CARS2: variants seen among roughly 807,000 people sequenced by gnomAD.
The protein encoded by CARS2 is probable cysteine--tRNA ligase, mitochondrial.
A neutral mutation model predicts 68.8 loss-of-function variants in CARS2; 52 were observed. That is an observed-to-expected ratio of 0.76 (90% confidence interval 0.61 to 0.95). The LOEUF is 0.95. CARS2 is among the 40% of genes least tolerant of loss of function. The pLI is 0.00. For synonymous variants in CARS2, 314 were observed against 303.6 expected (o/e 1.03, Z -0.36); for missense variants, 780 against 754.2 (o/e 1.03, Z -0.40).
rs543160409 is a variant in CARS2, at chr13:110,689,611, T to C, written c.394-1593A>G. 3.3e-5 allele frequency among the ~76,000 whole-genome samples: 5 copies of C among 152,358 alleles called. No homozygotes were observed. The South Asian group carries it at 1.0e-3, about 32-fold the overall frequency. On this transcript the variant is annotated intron_variant, in intron 3 of 14. Coordinates refer to ENST00000257347, the MANE Select transcript of CARS2 (RefSeq NM_024537.4). ...TCAGTTACTTTACAGCATGGAGATA[T>C]TCTACCTAGTAATCCCTTAGACTGC... is the stretch of plus-strand genomic sequence containing the variant.
At chr13:110,677,858 T>TCA (rs1284886686) in intron 6 of CARS2, 1 of 144,864 alleles carries the variant, frequency 6.9e-6, no homozygotes, top group Admixed American at 6.8e-5. Flanking sequence ...CACCACCACC[T>TCA]CACCCCCACC....
rs1161088309 is a variant in CARS2, at chr13:110,688,007, G to A, written c.405C>T (p.Ser135=). The part of the protein sequence containing the change: ...IIKRANEMNI[S]PASLASLYEE... Reference sequence around the variant, plus strand: ...CATAAAGACTGGCGAGGGAAGCGGGGGAAATATTCATCTGCAGAAGGATTA... The same window carrying A: ...CATAAAGACTGGCGAGGGAAGCGGGAGAAATATTCATCTGCAGAAGGATTA... The change falls in exon 4 of 15, where the codon TCC becomes TCT. Residue 135 remains serine (S), a synonymous_variant. Coordinates refer to ENST00000257347, the MANE Select transcript of CARS2 (RefSeq NM_024537.4). 1.2e-6 allele frequency: 2 copies of A among 1,609,470 alleles called. No individual in the cohort carries two copies. Among genetic ancestry groups the A allele is most frequent in the South Asian group, 2.2e-5 (2 of 90,958 alleles).
intron 13 of CARS2, chr13:110,642,983 C>T (rs939430927): frequency 4.4e-5 from 16 of 362,992 alleles, no homozygotes; most frequent in African/African-American, 3.2e-4. Context: ...GAAGGCCTCG[C>T]GCTGTCCTCC....
At chr13:110,641,827 G>C (rs955541824) in intron 14 of CARS2, among the ~76,000 whole-genome samples, 3 of 152,198 alleles carry the variant, frequency 2.0e-5, no homozygotes, top group Admixed American at 6.5e-5. Context: ...CCACGTCCCC[G>C]TGCTCAGCGT....
At chr13:110,652,261 C>T (rs1345972111) in intron 9 of CARS2, among the ~76,000 whole-genome samples, 1 of 152,280 alleles carries the variant, frequency 6.6e-6, no homozygotes, top group Non-Finnish European at 1.5e-5. Context: ...CTCATCAGAG[C>T]TCAGATACCC....
At chr13:110,701,817 T>C (rs2063795925) in intron 2 of CARS2, among the ~76,000 whole-genome samples, 1 of 152,266 alleles carries the variant, frequency 6.6e-6, no homozygotes, top group Non-Finnish European at 1.5e-5. Context: ...GAGTTGTTGC[T>C]TAAGTGAGTT....
intron 13 of CARS2, 38 bp downstream of exon 13, chr13:110,644,347 A>G (rs1463579740): frequency 1.9e-6 from 3 of 1,582,012 alleles, no homozygotes; most frequent in African/African-American, 1.3e-5. Context: ...AACATGGAGA[A>G]AATTCCAGAA....
intron 5 of CARS2, among the ~76,000 whole-genome samples, chr13:110,685,472 C>T (rs1423532633): frequency 6.6e-6 from 1 of 152,232 alleles, no homozygotes; most frequent in East Asian, 1.9e-4. Flanking sequence ...ACGTCCAGGG[C>T]AGTGCTTCAT....
In CARS2 at chr13:110,712,821, G is replaced by T. The variant is rs755418282; in HGVS notation, n.399+316C>A. 15 of 868,942 alleles carry T rather than the reference G, an allele frequency of 1.7e-5. No individual in the cohort carries two copies. In the South Asian group the frequency reaches 2.0e-4, roughly 12 times the overall value. 53.8% of individuals were successfully genotyped at this position (868,942 alleles called of 1,614,324 possible). On this transcript the variant is annotated intron_variant and non_coding_transcript_variant, in intron 1 of 2. Transcript: ENST00000485188. Reference sequence around the variant, plus strand: ...CTCGGGCCTATCCACCTCTTCTGGGGCTCGGCACTAGGAAGCAGCTTCCCT... The same window carrying T: ...CTCGGGCCTATCCACCTCTTCTGGGTCTCGGCACTAGGAAGCAGCTTCCCT...
At chr13:110,645,701 AG>A (rs1888013553) in intron 12 of CARS2, 1 of 420,450 alleles carries the variant, frequency 2.4e-6, no homozygotes, top group South Asian at 4.0e-5. Flanking sequence ...GTGTCCCCTG[AG>A]GATCAAGCAC....
At chr13:110,651,202 A>G (rs1375571240) in intron 9 of CARS2, 102 bp from the exon 10 acceptor site, 1 of 722,686 alleles carries the variant, frequency 1.4e-6, no homozygotes. Context: ...ATCTCTACCT[A>G]TCAAGAAATC....
At chr13:110,643,958 T>C in intron 13 of CARS2, 1 of 400,714 alleles carries the variant, frequency 2.5e-6, no homozygotes, top group South Asian at 2.1e-5. Flanking sequence ...TGCAGGTGAC[T>C]CGTGCCTGTC....
chr13:110,695,183 G>C (rs2063585818), intron 3 of CARS2, among the ~76,000 whole-genome samples: 1 of 152,036 alleles, frequency 6.6e-6, no homozygotes, highest in Admixed American at 6.5e-5. Flanking sequence ...TCTGGAGGCT[G>C]AAGTGGGAGG....
chr13:110,667,582 T>A, intron 7 of CARS2, 109 bp from the exon 8 acceptor site: 1 of 977,596 alleles, frequency 1.0e-6, no homozygotes, highest in Non-Finnish European at 1.5e-6. Context: ...AATAAATGGA[T>A]CTCAGTTTTG....
At chr13:110,710,215 C>G (rs561983257), upstream of CARS2, among the ~76,000 whole-genome samples, 1 of 152,228 alleles carries the variant, frequency 6.6e-6, no homozygotes, top group East Asian at 1.9e-4. Context: ...AACTCCGTCT[C>G]TACTAAAAAT....
At chr13:110,675,048 T>TAGA (rs1440940205) in intron 7 of CARS2, among the ~76,000 whole-genome samples, 2 of 102,056 alleles carry the variant, frequency 2.0e-5, no homozygotes, top group Non-Finnish European at 4.3e-5. Flanking sequence ...TCATTAAAAC[T>TAGA]CAGGAAACAA....
Position 110,642,511 on chromosome 13 carries a change from C to T in CARS2, c.1427G>A (p.Gly476Glu), listed in dbSNP as rs902904499. 1 of 1,608,436 alleles carries T rather than the reference C, an allele frequency of 6.2e-7. No homozygotes were observed. The change falls in exon 14 of 15, where the codon GGA (glycine) becomes GAA (glutamate). Residue 476 changes from glycine to glutamate, a missense_variant. By Grantham distance (98) the Gly-to-Glu change is moderately conservative. Coordinates refer to ENST00000257347, the MANE Select transcript of CARS2 (RefSeq NM_024537.4). The stretch of plus-strand genomic sequence containing the variant: ...ATGCAAGGTAGCCTCGCTGCCGTCT[C>T]CTGAAACGTACTGAAGCCAGCAGGG... Reference protein sequence around the residue: ...ISLANQQYVSGDGSEATLHGV... With the variant: ...ISLANQQYVSEDGSEATLHGV...
chr13:110,663,628 T>C (rs2062569759), intron 8 of CARS2, 110 bp from the exon 9 acceptor site: 2 of 1,497,968 alleles, frequency 1.3e-6, no homozygotes, highest in Non-Finnish European at 1.8e-6. Context: ...ATCCAATGTA[T>C]AGACCAGTGT....
intron 8 of CARS2, 150 bp from the exon 9 acceptor site, chr13:110,663,668 C>T (rs2062570726): frequency 1.4e-6 from 2 of 1,416,206 alleles, no homozygotes; most frequent in Admixed American, 3.2e-5. Context: ...CCCAAATCTT[C>T]ACCCGTGCTG....
Sources: allele counts gnomAD v4.1 joint callset (sites outside exome capture counted in the v4.1 genomes callset), GRCh38; gene constraint gnomAD v4.1.1; transcripts MANE v1.5; gene names NCBI Gene and HGNC (gene_info 2026-07-23, HGNC 2026-07-21).